EPG5: variants seen among roughly 807,000 people sequenced by gnomAD.
The protein encoded by EPG5 is ectopic P granules protein 5 homolog.
A neutral mutation model predicts 302.7 loss-of-function variants in EPG5; 159 were observed. The observed-to-expected ratio is 0.53, with a 90% confidence interval of 0.46 to 0.60. The LOEUF is 0.60. Among genes scored for constraint, EPG5 ranks in the 20% least tolerant of loss-of-function variants. EPG5 has a pLI of 0.00. For missense variants in EPG5, 2,896 were observed against 3,092.4 expected (o/e 0.94, Z 1.51); for synonymous variants, 1,158 against 1,136.8 (o/e 1.02, Z -0.37).
In EPG5 at chr18:45,955,208, T is replaced by A; in HGVS notation, c.194A>T (p.Asp65Val). 6.2e-7 allele frequency: 1 copy of A among 1,614,188 alleles called. No homozygotes were observed. Among genetic ancestry groups the A allele is most frequent in the Non-Finnish European group, 8.5e-7 (1 of 1,180,038 alleles). ...FKGDHLKVVT[D>V]SQLQDDASGQ... The stretch of plus-strand genomic sequence containing the variant: ...ACTGGCATCATCCTGGAGCTGGGAA[T>A]CAGTTACCACCTTCAGATGGTCTCC... Residue 65 changes from aspartate to valine, a missense_variant, in exon 2 of 44, where the codon GAT becomes GTT. Coordinates refer to ENST00000282041, the MANE Select transcript of EPG5 (RefSeq NM_020964.3).
rs773592824 is a variant in EPG5, at chr18:45,955,071, G to C, written c.331C>G (p.Pro111Ala). 2 of 1,614,058 alleles carry C rather than the reference G, an allele frequency of 1.2e-6. No individual in the cohort carries two copies. Among genetic ancestry groups the C allele is most frequent in the Non-Finnish European group, 1.7e-6 (2 of 1,179,982 alleles). Residue 111 changes from proline to alanine, a missense_variant, in exon 2 of 44, where the codon CCC becomes GCC. By Grantham distance (27) the Pro-to-Ala change is conservative. Around this residue, in one of 5 missense-constraint regions of EPG5, gnomAD observed 1,390 missense variants for 1,430.0 expected, o/e 0.97. Coordinates refer to ENST00000282041, the MANE Select transcript of EPG5 (RefSeq NM_020964.3). The part of the protein sequence containing the change: ...EPPKEGGEAR[P>A]CVGDSAVTPK... Reference sequence around the variant, plus strand: ...GTGACTGCACTGTCCCCCACACAGGGTCTGGCCTCTCCCCCTTCCTTTGGG... The same window carrying C: ...GTGACTGCACTGTCCCCCACACAGGCTCTGGCCTCTCCCCCTTCCTTTGGG...
chr18:45,932,896 T>G (rs1049680312), intron 11 of EPG5, among the ~76,000 whole-genome samples: 1 of 152,188 alleles, frequency 6.6e-6, no homozygotes, highest in Non-Finnish European at 1.5e-5. Context: ...AGGCTGGTAC[T>G]GCCACTTCAG....
chr18:45,837,657 C>G, the EPG5 span: 1 of 1,502,860 alleles, frequency 6.7e-7, no homozygotes, highest in Non-Finnish European at 8.8e-7. Flanking sequence ...GCGGGCGAGC[C>G]CTATGCGGGC....
At chr18:45,938,319 G>A (rs972405898) in intron 10 of EPG5, among the ~76,000 whole-genome samples, 18 of 151,970 alleles carry the variant, frequency 1.2e-4, no homozygotes, top group African/African-American at 2.2e-4. Flanking sequence ...AAAATTAGCC[G>A]GGCATGATGG....
chr18:45,908,455 TTAGAA>T (rs1157908228), intron 23 of EPG5, among the ~76,000 whole-genome samples: 4 of 152,168 alleles, frequency 2.6e-5, no homozygotes, highest in Non-Finnish European at 4.4e-5. Flanking sequence ...TTATTTTTGC[TTAGAA>T]AAGCAAAAAT....
At chr18:45,805,187 G>T in the EPG5 span, among the ~76,000 whole-genome samples, 1 of 151,972 alleles carries the variant, frequency 6.6e-6, no homozygotes, top group African/African-American at 2.4e-5. Flanking sequence ...ACCCTAGATT[G>T]GCTCCTGAAA....
At position 45,913,768 on chromosome 18, in the gene EPG5, G is replaced by C. The variant is rs78690150; in HGVS notation, c.3754C>G (p.Arg1252Gly). Residue 1252 changes from arginine to glycine, a missense_variant, in exon 21 of 44, where the codon CGG becomes GGG. By Grantham distance (125) the Arg-to-Gly change is moderately radical. Around this residue, in one of 5 missense-constraint regions of EPG5, gnomAD observed 64 missense variants for 101.8 expected, o/e 0.63. Transcript: ENST00000282041. ...ESIFEEDSQLRRVIEGELVIN... is the reference protein window; with the variant it reads ...ESIFEEDSQLGRVIEGELVIN... ...ACCAATTCCCCTTCAATAACTCTCC[G>C]GAGCTGGGAGTCCTCTTCAAAGATG... The C allele has an allele frequency of 6.2e-7, 1 of 1,614,078 alleles. No individual in the cohort carries two copies. Among genetic ancestry groups the C allele is most frequent in the Non-Finnish European group, 8.5e-7 (1 of 1,179,994 alleles).
chr18:45,964,553 T>C (rs755560345), intron 1 of EPG5, among the ~76,000 whole-genome samples: 7 of 152,234 alleles, frequency 4.6e-5, no homozygotes, highest in Non-Finnish European at 8.8e-5. Context: ...TTTTTTTTCC[T>C]GTAGTCTCAT....
At chr18:45,882,530 A>G in intron 30 of EPG5, 43 bp from the exon 31 acceptor site, 1 of 1,539,114 alleles carries the variant, frequency 6.5e-7, no homozygotes, top group Middle Eastern at 1.8e-4. Context: ...TTTGCACTAG[A>G]AAAATAGTTT....
chr18:45,825,457 CTT>C, the EPG5 span: 1 of 540,832 alleles, frequency 1.8e-6, no homozygotes, highest in Non-Finnish European at 3.3e-6. Context: ...TTCTCACCCT[CTT>C]TCCTGTTTCC....
At position 45,852,667 on chromosome 18, in the gene EPG5, T is replaced by C. The variant is rs757460285; in HGVS notation, c.7558-18A>G. 2 of 1,610,922 alleles carry C rather than the reference T, an allele frequency of 1.2e-6. No individual in the cohort carries two copies. The highest frequency in any genetic ancestry group is 1.7e-6 in the Non-Finnish European group (2 of 1,177,852). On this transcript the variant is annotated intron_variant, in intron 43 of 43. Coordinates refer to ENST00000282041, the MANE Select transcript of EPG5 (RefSeq NM_020964.3). ...TTCAGAGCCTAAAAGACACGGAAGA[T>C]GAGAGGGTTAACTCCATAGAGGCAC...
chr18:45,803,638 C>A, the EPG5 span, among the ~76,000 whole-genome samples: 1 of 152,204 alleles, frequency 6.6e-6, no homozygotes, highest in East Asian at 1.9e-4. Context: ...AAGAAAATCC[C>A]AAATTCCATG....
At chr18:45,854,786 A>G (rs2048480394) in intron 43 of EPG5, among the ~76,000 whole-genome samples, 1 of 152,204 alleles carries the variant, frequency 6.6e-6, no homozygotes, top group African/African-American at 2.4e-5. Context: ...GCTTGAGCAC[A>G]GGAGTTCAAG....
the EPG5 span, chr18:45,839,175 C>G: frequency 7.5e-7 from 1 of 1,329,068 alleles, no homozygotes. Context: ...CCTGGCTGAC[C>G]CCCTGGCACT....
intron 41 of EPG5, among the ~76,000 whole-genome samples, chr18:45,858,317 A>C (rs905126646): frequency 2.0e-5 from 3 of 152,206 alleles, no homozygotes; most frequent in African/African-American, 7.2e-5. Flanking sequence ...GGTAGGGATT[A>C]CTATCTCCAC....
In EPG5 at chr18:45,913,733, A is replaced by T. The variant is rs1310243917; in HGVS notation, c.3789T>A (p.Ser1263=). 1 of 1,614,150 alleles carries T rather than the reference A, an allele frequency of 6.2e-7. No homozygotes were observed. Among genetic ancestry groups the T allele is most frequent in the Admixed American group, 1.7e-5 (1 of 60,026 alleles). ...RVIEGELVIN[S]AFTPDQALKK... ...TCAGAGCTTGGTCAGGGGTGAAAGCAGAGTTTATCACCAATTCCCCTTCAA... is the reference window on the plus strand; with the variant it reads ...TCAGAGCTTGGTCAGGGGTGAAAGCTGAGTTTATCACCAATTCCCCTTCAA... Residue 1263 remains serine, a synonymous_variant, in exon 21 of 44, where the codon TCT becomes TCA. Coordinates refer to ENST00000282041, the MANE Select transcript of EPG5 (RefSeq NM_020964.3).
chr18:45,878,879 G>C, intron 33 of EPG5, 134 bp downstream of exon 33: 1 of 675,302 alleles, frequency 1.5e-6, no homozygotes, highest in East Asian at 2.6e-5. Flanking sequence ...ACACATATAT[G>C]GGCTCATGCC....
At chr18:45,801,651 C>T in the EPG5 span, among the ~76,000 whole-genome samples, 1 of 152,186 alleles carries the variant, frequency 6.6e-6, no homozygotes, top group Admixed American at 6.5e-5. Flanking sequence ...CCCCTCCCTC[C>T]CTTCCATTCC....
At chr18:45,933,158 G>A (rs1307647576) in intron 11 of EPG5, among the ~76,000 whole-genome samples, 10 of 152,274 alleles carry the variant, frequency 6.6e-5, no homozygotes, top group Admixed American at 5.2e-4. Context: ...ATGGCTGTGA[G>A]ACCTCTCACC....
Sources: gnomAD v4.1 joint callset for allele counts (sites outside exome capture counted in the v4.1 genomes callset) on GRCh38, gnomAD v4.1.1 for gene constraint, gnomAD v4.1.1 regional missense constraint, MANE v1.5 for transcripts, NCBI Gene and HGNC (gene_info 2026-07-23, HGNC 2026-07-21) for gene names.